GPM6B: variants seen among roughly 807,000 people sequenced by gnomAD.
GPM6B encodes the protein neuronal membrane glycoprotein M6-b.
GPM6B carries 4 observed loss-of-function variants against 27.2 expected under a neutral mutation model. The observed-to-expected ratio is 0.15, with a 90% confidence interval of 0.07 to 0.34. The LOEUF (loss-of-function observed/expected upper bound fraction) is 0.34. GPM6B is among the 10% of genes least tolerant of loss of function. The pLI is 1.00. For missense variants in GPM6B, 183 were observed against 261.9 expected (o/e 0.70, Z 2.08); for synonymous variants, 124 against 103.1 (o/e 1.20, Z -1.23).
At chrX:13,790,370 T>C (rs1218474439) in intron 2 of GPM6B, among the ~76,000 whole-genome samples, 5 of 112,358 alleles carry the variant, frequency 4.5e-5, no homozygotes, top group Admixed American at 9.4e-5. Context: ...AGTGTGTTCA[T>C]TGGACCAGCA....
At chrX:13,873,496 G>A (rs1394446483) in intron 1 of GPM6B, among the ~76,000 whole-genome samples, 1 of 112,041 alleles carries the variant, frequency 8.9e-6, no homozygotes, top group Non-Finnish European at 1.9e-5. Flanking sequence ...AGAGCTGGTG[G>A]TTGCCCAATG....
chrX:13,931,972 G>A (rs368732715), intron 1 of GPM6B, among the ~76,000 whole-genome samples: 5 of 111,967 alleles, frequency 4.5e-5, no homozygotes, highest in Non-Finnish European at 1.9e-5. Context: ...ACCTTTATCA[G>A]AACTTCTAAA....
At chrX:13,817,416 G>A, upstream of GPM6B, 1 of 717,426 alleles carries the variant, frequency 1.4e-6, no homozygotes, top group Non-Finnish European at 1.7e-6. Flanking sequence ...AGGAGGGGAT[G>A]TGAAGGAGAA....
chrX:13,863,537 T>C (rs1411860723), intron 1 of GPM6B, among the ~76,000 whole-genome samples: 1 of 111,934 alleles, frequency 8.9e-6, no homozygotes, highest in Admixed American at 9.5e-5. Context: ...GTTATTCAGA[T>C]ACCAAAGTGG....
rs765986742 is a variant in GPM6B at position 13,931,472 on chromosome X, A to G, written c.-198+6855T>C. ...CACTGCACTCCAGCCTGGGCTACAG[A>G]GTGAGACTCCTTCTCAAAAAAAAAA... On this transcript the variant is annotated intron_variant, in intron 1 of 6. Coordinates refer to the GPM6B transcript ENST00000398361. Among the ~76,000 whole-genome samples the G allele has an allele frequency of 5.5e-5, 6 of 109,577 alleles. No individual in the cohort carries two copies. The Admixed American group carries it at 5.8e-4, about 11-fold the overall frequency.
At chrX:13,873,115 A>T (rs181298414) in intron 1 of GPM6B, among the ~76,000 whole-genome samples, 3 of 105,065 alleles carry the variant, frequency 2.9e-5, no homozygotes, top group African/African-American at 1.0e-4. Context: ...TGATGAAGAA[A>T]AGCTTTGGCC....
chrX:13,775,382 C>G (rs1020921224), intron 7 of GPM6B, among the ~76,000 whole-genome samples: 1 of 113,050 alleles, frequency 8.8e-6, no homozygotes, highest in African/African-American at 3.2e-5. Context: ...CAAGGCAATA[C>G]TCTGCCTTCT....
chrX:13,784,673 T>C lies in GPM6B; in HGVS notation c.368+949A>G, dbSNP rs183523850. Reference sequence around the variant, plus strand: ...GGGGAAGACATGTGAAGGAAATAAGTAGATTGCTGCTGAGCTTGCACAGCT... The same window carrying C: ...GGGGAAGACATGTGAAGGAAATAAGCAGATTGCTGCTGAGCTTGCACAGCT... On this transcript the variant is annotated intron_variant, in intron 3 of 7. Transcript: ENST00000316715. Among the ~76,000 whole-genome samples the C allele has an allele frequency of 1.7e-4, 19 of 111,936 alleles. No homozygotes were observed. The East Asian group carries it at 5.0e-3, about 30-fold the overall frequency.
chrX:13,793,520 A>G (rs927513332), intron 2 of GPM6B, among the ~76,000 whole-genome samples: 9 of 112,372 alleles, frequency 8.0e-5, no homozygotes, highest in Admixed American at 2.8e-4. Context: ...TCACAGTGCC[A>G]AGAGTGAGAA....
intron 1 of GPM6B, among the ~76,000 whole-genome samples, chrX:13,859,617 C>G (rs2049820159): frequency 9.1e-6 from 1 of 109,915 alleles, no homozygotes; most frequent in African/African-American, 3.3e-5. Context: ...GAACTACCAT[C>G]TCAATTAATG....
Position 13,921,508 on chromosome X carries a change from T to C in GPM6B, c.-198+16819A>G, listed in dbSNP as rs143062713. On this transcript the variant is annotated intron_variant, in intron 1 of 6. Transcript: ENST00000398361. ...TGTTACAGCTCTGTGACTGCTCCTG[T>C]AGAGCAAGGCTACCCCATGGCCAGA... 3.1e-4 allele frequency among the ~76,000 whole-genome samples: 34 copies of C among 110,520 alleles called. No individual in the cohort carries two copies. In the East Asian group the frequency reaches 7.7e-3, roughly 25 times the overall value.
Position 13,777,435 on chromosome X carries a change from G to C in GPM6B, c.698-10C>G. 1 of 1,149,014 alleles carries C rather than the reference G, an allele frequency of 8.7e-7. No homozygotes were observed. The highest frequency in any genetic ancestry group is 1.8e-5 in the African/African-American group (1 of 56,654). The allele number at this position is 1,149,014 out of a possible 1,213,427, so 94.7% of individuals were successfully genotyped here. A position where few individuals can be genotyped will look rare whatever the true frequency, so the allele number is the denominator to read the frequency against. Reference sequence around the variant, plus strand: ...TTCCAAGGAATGATACCTGTAAAATGAACCCCAATAGGATGTTAGTACAAA... The same window carrying C: ...TTCCAAGGAATGATACCTGTAAAATCAACCCCAATAGGATGTTAGTACAAA... On this transcript the variant is annotated splice_polypyrimidine_tract_variant and intron_variant, in intron 5 of 7. Coordinates refer to ENST00000316715, the MANE Select transcript of GPM6B (RefSeq NM_001001995.3).
intron 2 of GPM6B, among the ~76,000 whole-genome samples, chrX:13,793,450 T>C (rs956457892): frequency 9.0e-6 from 1 of 111,404 alleles, no homozygotes; most frequent in Non-Finnish European, 1.9e-5. Flanking sequence ...TCACAGGTTC[T>C]TAAGCTTGCT....
rs767228447 is a variant in GPM6B at position 13,775,934 on chromosome X, T to G, written c.837+304A>C. 3.5e-5 allele frequency among the ~76,000 whole-genome samples: 4 copies of G among 112,781 alleles called. No homozygotes were observed. In the East Asian group the frequency reaches 1.1e-3, roughly 31 times the overall value. The stretch of plus-strand genomic sequence containing the variant: ...GCCTCACGTGAGCATTGCATCTGTC[T>G]GCGACTGAAGTCATGAAGCTAAGTG... On this transcript the variant is annotated intron_variant, in intron 7 of 7. Coordinates refer to ENST00000316715, the MANE Select transcript of GPM6B (RefSeq NM_001001995.3).
intron 1 of GPM6B, among the ~76,000 whole-genome samples, chrX:13,890,423 C>T (rs1446447930): frequency 3.6e-5 from 4 of 111,835 alleles, no homozygotes; most frequent in Non-Finnish European, 7.5e-5. Context: ...CTTGCTTTCA[C>T]TTTACTCTAT....
chrX:13,926,561 G>A (rs1470313179), intron 1 of GPM6B, among the ~76,000 whole-genome samples: 1 of 112,048 alleles, frequency 8.9e-6, no homozygotes, highest in African/African-American at 3.2e-5. Flanking sequence ...TGTAATAGTA[G>A]CACAGAGATG....
chrX:13,820,292 T>C (rs1054097087), upstream of GPM6B, among the ~76,000 whole-genome samples: 3 of 110,595 alleles, frequency 2.7e-5, no homozygotes, highest in East Asian at 8.5e-4. Flanking sequence ...TGTCATTGGA[T>C]TGGATCTGTA....
chrX:13,938,371 G>A (rs1921950671), exon 1 of GPM6B: 1 of 288,916 alleles, frequency 3.5e-6, no homozygotes, highest in Admixed American at 6.3e-5. Flanking sequence ...CACCTCCAGC[G>A]TCCCGGCTTC....
chrX:13,925,011 T>C (rs1921099409), intron 1 of GPM6B, among the ~76,000 whole-genome samples: 1 of 112,350 alleles, frequency 8.9e-6, no homozygotes, highest in South Asian at 3.7e-4. Context: ...AGCAAGCAGC[T>C]AAAACTCAGC....
Sources: allele counts gnomAD v4.1 joint callset (sites outside exome capture counted in the v4.1 genomes callset), GRCh38; gene constraint gnomAD v4.1.1; transcripts MANE v1.5; gene names NCBI Gene and HGNC (gene_info 2026-07-23, HGNC 2026-07-21).